The following TMX3 variants were observed in gnomAD, a reference collection of about 807,000 sequenced individuals.
TMX3 encodes the protein protein disulfide-isomerase TMX3.
A neutral mutation model predicts 64.4 loss-of-function variants in TMX3; 40 were observed. The ratio of observed to expected loss-of-function variants is 0.62; its 90% CI spans 0.48 to 0.81. The LOEUF is 0.81. Ranked by LOEUF, TMX3 falls within the 30% of genes least tolerant of loss-of-function variation. TMX3 has a pLI of 0.00. For missense variants in TMX3, 497 were observed against 534.5 expected, an observed-to-expected ratio of 0.93 and a Z score of 0.69; for synonymous variants, 189 against 175.7, an observed-to-expected ratio of 1.08 and a Z score of -0.60.
chr18:68,712,137 G>T (rs936299089), intron 2 of TMX3, among the ~76,000 whole-genome samples: 1 of 152,144 alleles, frequency 6.6e-6, no homozygotes, highest in African/African-American at 2.4e-5. Flanking sequence ...AACAAAGGTG[G>T]TCTTGTAGGG....
At chr18:68,691,503 A>G in intron 8 of TMX3, 142 bp from the exon 9 acceptor site, 1 of 536,232 alleles carries the variant, frequency 1.9e-6, no homozygotes. Context: ...GTTAAAGAGT[A>G]CAGTCAATCC....
At position 68,676,965 on chromosome 18, in the gene TMX3, G is replaced by C; in HGVS notation, c.1333C>G (p.Pro445Ala). The change falls in exon 16 of 16, where the codon CCC (proline) becomes GCC (alanine). Residue 445 changes from proline to alanine, a missense_variant. Coordinates refer to ENST00000299608, the MANE Select transcript of TMX3 (RefSeq NM_019022.5). Reference protein sequence around the residue: ...GGSVVPTVQEPKDVLEKKKD With the variant: ...GGSVVPTVQEAKDVLEKKKD Reference sequence around the variant, plus strand: ...TTCTTCTTTTCTAATACATCCTTGGGCTCCTGCACTGTAGGCACTACAGAT... The same window carrying C: ...TTCTTCTTTTCTAATACATCCTTGGCCTCCTGCACTGTAGGCACTACAGAT... 1 of 1,613,388 alleles carries C rather than the reference G, an allele frequency of 6.2e-7. No individual in the cohort carries two copies. The highest frequency in any genetic ancestry group is 1.3e-5 in the African/African-American group (1 of 74,924).
chr18:68,683,926 A>G (rs2145022081), intron 12 of TMX3, among the ~76,000 whole-genome samples: 1 of 152,290 alleles, frequency 6.6e-6, no homozygotes, highest in East Asian at 1.9e-4. Context: ...CTCTTACTGT[A>G]CCTAATGTAT....
At chr18:68,712,161 GC>G (rs1222628401) in intron 2 of TMX3, among the ~76,000 whole-genome samples, 1 of 152,116 alleles carries the variant, frequency 6.6e-6, no homozygotes, top group Admixed American at 6.5e-5. Flanking sequence ...AGACAGTGTG[GC>G]CCAAGTCATT....
intron 9 of TMX3, 52 bp from the exon 10 acceptor site, chr18:68,687,817 G>C (rs752655422): frequency 2.9e-6 from 4 of 1,388,944 alleles, no homozygotes; most frequent in Non-Finnish European, 4.0e-6. Flanking sequence ...GAATTTAAGA[G>C]TTATAATAGC....
intron 4 of TMX3, among the ~76,000 whole-genome samples, chr18:68,708,542 T>C (rs1203033964): frequency 1.3e-5 from 2 of 152,118 alleles, no homozygotes; most frequent in African/African-American, 2.4e-5. Context: ...ACCGTTTCCA[T>C]TGTACTCTAC....
intron 8 of TMX3, among the ~76,000 whole-genome samples, chr18:68,692,513 G>GT (rs1914624395): frequency 6.6e-6 from 1 of 152,012 alleles, no homozygotes; most frequent in Non-Finnish European, 1.5e-5. Flanking sequence ...ATCTCCTGGG[G>GT]TTTTCATAAA....
At chr18:68,681,898 T>C (rs1277455471) in intron 13 of TMX3, among the ~76,000 whole-genome samples, 2 of 152,164 alleles carry the variant, frequency 1.3e-5, no homozygotes. Context: ...CCAGTTTTCC[T>C]ACTACCTGTC....
chr18:68,699,048 A>T (rs1444409007), intron 6 of TMX3, among the ~76,000 whole-genome samples: 1 of 152,074 alleles, frequency 6.6e-6, no homozygotes, highest in Non-Finnish European at 1.5e-5. Context: ...AAAACTAAGA[A>T]GAGGTAGTCA....
At chr18:68,692,153 A>G (rs1202579849) in intron 8 of TMX3, among the ~76,000 whole-genome samples, 1 of 152,204 alleles carries the variant, frequency 6.6e-6, no homozygotes, top group African/African-American at 2.4e-5. Context: ...TATGAAAATA[A>G]CAATTTTAAG....
At chr18:68,701,508 A>G in intron 5 of TMX3, 1 of 773,052 alleles carries the variant, frequency 1.3e-6, no homozygotes, top group Non-Finnish European at 2.0e-6. Flanking sequence ...TGTCCTGCAC[A>G]GTGCGTGTCA....
rs773763018 is a variant in TMX3, at chr18:68,677,209, T to C, written c.1105-16A>G. 1 of 1,606,656 alleles carries C rather than the reference T, an allele frequency of 6.2e-7. No individual in the cohort carries two copies. Among genetic ancestry groups the C allele is most frequent in the Non-Finnish European group, 8.5e-7 (1 of 1,176,666 alleles). ...TGAATATAGACTGTGGAAAGAGAATTAAAACTCAGTTCCCTTCACATGTAA... is the reference window on the plus strand; with the variant it reads ...TGAATATAGACTGTGGAAAGAGAATCAAAACTCAGTTCCCTTCACATGTAA... On this transcript the variant is annotated splice_polypyrimidine_tract_variant and intron_variant, in intron 15 of 15. Coordinates refer to ENST00000299608, the MANE Select transcript of TMX3 (RefSeq NM_019022.5).
At chr18:68,714,096 A>G (rs2031623210) in intron 1 of TMX3, among the ~76,000 whole-genome samples, 196 bp from the exon 2 acceptor site, 1 of 152,206 alleles carries the variant, frequency 6.6e-6, no homozygotes, top group African/African-American at 2.4e-5. Context: ...GTATGCAACC[A>G]TATCGTGACC....
Position 68,676,904 on chromosome 18 carries a change from C to A in TMX3, c.*29G>T, listed in dbSNP as rs777290833. 1.6e-5 allele frequency: 26 copies of A among 1,590,322 alleles called. No homozygotes were observed. Among genetic ancestry groups the A allele is most frequent in the Middle Eastern group, 1.7e-4 (1 of 5,906 alleles). On this transcript the variant is annotated 3_prime_UTR_variant, in exon 16 of 16. Coordinates refer to ENST00000299608, the MANE Select transcript of TMX3 (RefSeq NM_019022.5). Reference sequence around the variant, plus strand: ...AATAGACTCTTTAATAATTTGAAGTCCTAACAAATATTTTATAGTCATCAA... The same window carrying A: ...AATAGACTCTTTAATAATTTGAAGTACTAACAAATATTTTATAGTCATCAA...
intron 10 of TMX3, among the ~76,000 whole-genome samples, chr18:68,685,569 C>T (rs1259188146): frequency 6.6e-6 from 1 of 152,062 alleles, no homozygotes; most frequent in Non-Finnish European, 1.5e-5. Context: ...CATAGACCAA[C>T]AGGATTCTGA....
intron 4 of TMX3, among the ~76,000 whole-genome samples, chr18:68,709,414 G>A (rs938191767): frequency 1.4e-4 from 21 of 152,242 alleles, no homozygotes; most frequent in African/African-American, 4.6e-4. Context: ...ATTCTGCCAT[G>A]GAGGCACAGA....
At chr18:68,704,542 C>A (rs1197054473) in intron 4 of TMX3, among the ~76,000 whole-genome samples, 2 of 152,160 alleles carry the variant, frequency 1.3e-5, no homozygotes, top group African/African-American at 4.8e-5. Context: ...GATTCGGTAA[C>A]TTGTTTGAGA....
chr18:68,714,885 G>A, intron 1 of TMX3, 51 bp downstream of exon 1: 1 of 1,547,106 alleles, frequency 6.5e-7, no homozygotes. Flanking sequence ...CCCCACGGCG[G>A]GGCCAGGTCC....
chr18:68,707,218 AT>A (rs967841829), intron 4 of TMX3, among the ~76,000 whole-genome samples: 1 of 149,634 alleles, frequency 6.7e-6, no homozygotes, highest in Non-Finnish European at 1.5e-5. Flanking sequence ...TCAATTAACT[AT>A]GTTTGGATAA....
Sources: gnomAD v4.1 joint callset for allele counts (sites outside exome capture counted in the v4.1 genomes callset) on GRCh38, gnomAD v4.1.1 for gene constraint, MANE v1.5 for transcripts, NCBI Gene and HGNC (gene_info 2026-07-23, HGNC 2026-07-21) for gene names.